Variants in EHD4 observed in about 807,000 individuals in gnomAD.
The protein encoded by EHD4 is EH domain containing 4, also known as EH domain-containing protein 4.
A neutral mutation model predicts 51.0 loss-of-function variants in EHD4; 37 were observed. That is an observed-to-expected ratio of 0.73 (90% CI 0.56 to 0.95). The LOEUF is 0.95. Among genes scored for constraint, EHD4 ranks in the 40% least tolerant of loss-of-function variants. The pLI is 0.00. For synonymous variants in EHD4, 297 were observed against 317.3 expected (o/e 0.94, Z 0.68); for missense variants, 632 against 733.1 (o/e 0.86, Z 1.59).
intron 3 of EHD4, among the ~76,000 whole-genome samples, chr15:41,925,274 G>A (rs971750437): frequency 3.9e-5 from 6 of 152,182 alleles, no homozygotes; most frequent in Admixed American, 2.0e-4. Context: ...GGAGGTGAAC[G>A]AAGCTATAGT....
intron 5 of EHD4, among the ~76,000 whole-genome samples, chr15:41,905,528 G>A (rs2067506632): frequency 6.6e-6 from 1 of 152,218 alleles, no homozygotes; most frequent in Non-Finnish European, 1.5e-5. Flanking sequence ...TGACCTCATG[G>A]AGCCACAGAC....
At chr15:41,963,294 A>C (rs1386301859) in intron 1 of EHD4, among the ~76,000 whole-genome samples, 1 of 113,166 alleles carries the variant, frequency 8.8e-6, no homozygotes, top group Non-Finnish European at 2.1e-5. Context: ...ATCAATAAAT[A>C]CTAAAAAAAA....
intron 3 of EHD4, chr15:41,928,717 G>A (rs759934407): frequency 6.6e-6 from 1 of 152,196 alleles, no homozygotes; most frequent in African/African-American, 2.4e-5. Flanking sequence ...AGAGGCTATG[G>A]TGGGTGTGCC....
chr15:41,972,390 C>A lies in EHD4; in HGVS notation c.105G>T (p.Lys35Asn). Residue 35 changes from lysine (K) to asparagine (N), a missense_variant, in exon 1 of 6, where the codon AAG (lysine) becomes AAT (asparagine). By Grantham distance (94) the Lys-to-Asn change is moderately conservative. Coordinates refer to ENST00000220325, the MANE Select transcript of EHD4 (RefSeq NM_139265.4). Reference protein sequence around the residue: ...TGGLRSLYLRKVLPLEEAYRF... With the variant: ...TGGLRSLYLRNVLPLEEAYRF... ...GGTACGCCTCCTCCAGCGGCAGCAC[C>A]TTGCGCAGGTAGAGCGAGCGCAGCC... The A allele has an allele frequency of 6.2e-7, 1 of 1,610,978 alleles. No homozygotes were observed.
rs2067473569 is a variant in EHD4 at position 41,900,955 on chromosome 15, T to C, written c.1316A>G (p.Glu439Gly). 2.5e-6 allele frequency: 4 copies of C among 1,613,110 alleles called. No homozygotes were observed. The African/African-American group carries it at 4.0e-5, about 16-fold the overall frequency. Residue 439 changes from glutamate (E) to glycine (G), a missense_variant, in exon 6 of 6, where the codon GAG becomes GGG. Coordinates refer to ENST00000220325, the MANE Select transcript of EHD4 (RefSeq NM_139265.4). This position sits in a 1 kb window ranked among gnomAD's most constrained non-coding sequence, Gnocchi z 4.8. ...YGEGAKEGAD[E>G]EEWVVAKDKP... ...GTCTTTGGCCACGACCCACTCCTCC[T>C]CGTCGGCGCCCTCCTTGGCACCCTC...
In EHD4 at chr15:41,972,529, T is replaced by G; in HGVS notation, c.-35A>C. 1 of 1,458,308 alleles carries G rather than the reference T, an allele frequency of 6.9e-7. No individual in the cohort carries two copies. Among genetic ancestry groups the G allele is most frequent in the African/African-American group, 1.5e-5 (1 of 68,126 alleles). The allele number at this position is 1,458,308 out of a possible 1,614,324, so 90.3% of individuals were successfully genotyped here. A position where few individuals can be genotyped will look rare whatever the true frequency, so the allele number is the denominator to read the frequency against. Reference sequence around the variant, plus strand: ...AGTCCACGCTCGGATGGGACCCTGCTCCGGGTTCGACTCTCCCCGGCTCGC... The same window carrying G: ...AGTCCACGCTCGGATGGGACCCTGCGCCGGGTTCGACTCTCCCCGGCTCGC... On this transcript the variant is annotated 5_prime_UTR_variant, in exon 1 of 6. Coordinates refer to ENST00000220325, the MANE Select transcript of EHD4 (RefSeq NM_139265.4).
rs115099552 is a variant in EHD4 at position 41,916,473 on chromosome 15, C to T, written c.924+2737G>A. On this transcript the variant is annotated intron_variant, in intron 4 of 5. Coordinates refer to ENST00000220325, the MANE Select transcript of EHD4 (RefSeq NM_139265.4). The stretch of plus-strand genomic sequence containing the variant: ...TTGTCAACAGGATCAAACAAAAAAA[C>T]ACACATAATGCAGACTACAGAGCTT... Among the ~76,000 whole-genome samples the T allele has an allele frequency of 2.8e-3, 429 of 152,264 alleles. 1 individual carries two copies. The highest frequency in any genetic ancestry group is 9.8e-3 in the African/African-American group (409 of 41,534).
intron 5 of EHD4, among the ~76,000 whole-genome samples, chr15:41,904,275 T>A (rs2067497930): frequency 6.6e-6 from 1 of 152,080 alleles, no homozygotes; most frequent in African/African-American, 2.4e-5. Context: ...AGTGGCCGCA[T>A]ATTTGCAGGG....
chr15:41,947,045 AGAG>A (rs1324137468), intron 2 of EHD4, among the ~76,000 whole-genome samples: 2 of 152,176 alleles, frequency 1.3e-5, no homozygotes, highest in African/African-American at 2.4e-5. Context: ...CTCTGCATTT[AGAG>A]GAGGAGACTG....
At chr15:41,953,083 T>C (rs1595543917) in intron 2 of EHD4, among the ~76,000 whole-genome samples, 1 of 148,856 alleles carries the variant, frequency 6.7e-6, no homozygotes, top group East Asian at 2.0e-4. Flanking sequence ...CCTGCTCTGA[T>C]GAATAAGGAA....
chr15:41,966,049 T>G (rs768290824), intron 1 of EHD4, among the ~76,000 whole-genome samples: 2 of 151,658 alleles, frequency 1.3e-5, no homozygotes, highest in Non-Finnish European at 2.9e-5. Context: ...CTCTTTGTCT[T>G]CTGAGATGCC....
At chr15:41,902,094 GACAGAGCAGCAGAAGC>G (rs974938518) in intron 5 of EHD4, among the ~76,000 whole-genome samples, 1 of 152,202 alleles carries the variant, frequency 6.6e-6, no homozygotes, top group African/African-American at 2.4e-5. Context: ...CCTGTCAGCA[GACAGAGCAGCAGAAGC>G]ACAGGCTCTA....
At chr15:41,915,824 G>C (rs1440609238) in intron 4 of EHD4, among the ~76,000 whole-genome samples, 1 of 152,092 alleles carries the variant, frequency 6.6e-6, no homozygotes, top group Non-Finnish European at 1.5e-5. Flanking sequence ...TACTGAGATT[G>C]TAAGAAGTGA....
intron 1 of EHD4, among the ~76,000 whole-genome samples, chr15:41,960,214 T>G (rs2067916129): frequency 6.6e-6 from 1 of 152,198 alleles, no homozygotes; most frequent in Non-Finnish European, 1.5e-5. Context: ...TATTTCATCC[T>G]CACTGCCATG....
chr15:41,950,538 A>G (rs554265177), intron 2 of EHD4, among the ~76,000 whole-genome samples: 1 of 152,364 alleles, frequency 6.6e-6, no homozygotes, highest in South Asian at 2.1e-4. Context: ...GACGGAAGCT[A>G]TAATTATGTA....
Position 41,897,996 on chromosome 15 carries a change from C to T in EHD4, c.*2649G>A, listed in dbSNP as rs2067450781. On this transcript the variant is annotated 3_prime_UTR_variant, in exon 6 of 6. Coordinates refer to ENST00000220325, the MANE Select transcript of EHD4 (RefSeq NM_139265.4). ...AGACAGCTGGTGGTGTGGACACATT[C>T]ACAGAACTTTGTACTGGTCCTGGGA... 1.3e-5 allele frequency: 2 copies of T among 152,242 alleles called. No individual in the cohort carries two copies. The highest frequency in any genetic ancestry group is 4.1e-4 in the South Asian group (2 of 4,826). The allele number at this position is 152,242 out of a possible 1,614,324, so 9.4% of individuals were successfully genotyped here. A position where few individuals can be genotyped will look rare whatever the true frequency, so the allele number is the denominator to read the frequency against.
chr15:41,942,804 C>T (rs1006015395), intron 3 of EHD4: 3 of 232,738 alleles, frequency 1.3e-5, no homozygotes, highest in Non-Finnish European at 2.3e-5. Context: ...CCTCACACCT[C>T]GATACCTCCC....
At chr15:41,909,568 A>C in intron 5 of EHD4, 131 bp downstream of exon 5, 1 of 1,070,752 alleles carries the variant, frequency 9.3e-7, no homozygotes, top group Non-Finnish European at 1.4e-6. Context: ...ATTATCATGG[A>C]TCACCATTAG....
chr15:41,967,643 T>A (rs1018483128), intron 1 of EHD4, among the ~76,000 whole-genome samples: 4 of 152,198 alleles, frequency 2.6e-5, no homozygotes, highest in Non-Finnish European at 5.9e-5. Context: ...TTTATTTTTT[T>A]AAAAATAGAT....
Sources: allele counts gnomAD v4.1 joint callset (sites outside exome capture counted in the v4.1 genomes callset), GRCh38; gene constraint gnomAD v4.1.1; non-coding constraint Gnocchi (gnomAD v3.1); transcripts MANE v1.5; gene names NCBI Gene and HGNC (gene_info 2026-07-23, HGNC 2026-07-21).